The following LRRC37A variants were observed in gnomAD, a reference collection of about 807,000 sequenced individuals.
The protein encoded by LRRC37A is leucine-rich repeat-containing protein 37A.
A neutral mutation model predicts 35.4 loss-of-function variants in LRRC37A; 3 were observed. That is an observed-to-expected ratio of 0.08 (90% CI 0.04 to 0.22). The LOEUF (loss-of-function observed/expected upper bound fraction) is 0.22, where lower values mean the gene tolerates loss of function less well. LRRC37A is among the 10% of genes least tolerant of loss of function. LRRC37A has a pLI of 1.00. For synonymous variants in LRRC37A, 23 were observed against 215.0 expected (o/e 0.11, Z 7.81); for missense variants, 67 against 565.3 (o/e 0.12, Z 8.94).
the LRRC37A span, among the ~76,000 whole-genome samples, chr17:46,272,759 C>T: frequency 0.12 from 18,479 of 152,170 alleles, no homozygotes; most frequent in Non-Finnish European, 0.18. Flanking sequence ...AGACTAAAGC[C>T]CTATAGTTGA....
At position 46,304,584 on chromosome 17, in the gene LRRC37A, C is replaced by T. The variant is rs1180947862; in HGVS notation, c.2754-925C>T. Among the ~76,000 whole-genome samples the T allele has an allele frequency of 5.2e-5, 4 of 76,574 alleles. 1 individual carries two copies. Among genetic ancestry groups the T allele is most frequent in the Admixed American group, 1.4e-4 (1 of 7,208 alleles). 50.2% of individuals were successfully genotyped at this position (76,574 alleles called of 152,430 possible). A position where few individuals can be genotyped will look rare whatever the true frequency, so the allele number is the denominator to read the frequency against. On this transcript the variant is annotated intron_variant, in intron 3 of 13. Coordinates refer to ENST00000320254, the Ensembl canonical transcript of LRRC37A. ...TGGAGATATCAGCCAGACAACGTTA[C>T]ACCATCCAGGTAAAGAGGGAGGGAC...
the LRRC37A span, among the ~76,000 whole-genome samples, chr17:46,262,273 A>G: frequency 1.3e-5 from 2 of 152,240 alleles, no homozygotes; most frequent in Non-Finnish European, 2.9e-5. Flanking sequence ...ACCTCAGGTG[A>G]TCCACCTGCC....
At chr17:46,262,848 G>A in the LRRC37A span, among the ~76,000 whole-genome samples, 16 of 152,118 alleles carry the variant, frequency 1.1e-4, no homozygotes, top group Admixed American at 3.3e-4. Context: ...ATTGGACAGA[G>A]CAAAAAGCAG....
At chr17:46,276,109 G>A in the LRRC37A span, among the ~76,000 whole-genome samples, 6 of 152,070 alleles carry the variant, frequency 3.9e-5, no homozygotes, top group East Asian at 1.9e-4. Flanking sequence ...CAGGCTGGTC[G>A]CAAACTCCTG....
At chr17:46,275,625 A>G in the LRRC37A span, among the ~76,000 whole-genome samples, 2 of 152,250 alleles carry the variant, frequency 1.3e-5, no homozygotes, top group Non-Finnish European at 2.9e-5. Flanking sequence ...AGCTCACTGG[A>G]AAAAGCCAAT....
chr17:46,262,644 G>T, the LRRC37A span, among the ~76,000 whole-genome samples: 2 of 152,094 alleles, frequency 1.3e-5, no homozygotes, highest in African/African-American at 4.8e-5. Context: ...TTGTACTTTT[G>T]TGAGAATTCC....
At chr17:46,259,000 G>T in the LRRC37A span, among the ~76,000 whole-genome samples, 2 of 128,650 alleles carry the variant, frequency 1.6e-5, no homozygotes, top group African/African-American at 5.9e-5. Context: ...TTACAGGCAT[G>T]AGCCACCGCA....
the LRRC37A span, chr17:46,275,485 T>C: frequency 2.9e-6 from 2 of 682,744 alleles, no homozygotes; most frequent in Non-Finnish European, 5.0e-6. Flanking sequence ...TTTATGCGGA[T>C]GCCAAAGTAA....
upstream of LRRC37A, among the ~76,000 whole-genome samples, chr17:46,291,192 T>A (rs977750942): frequency 1.3e-5 from 2 of 152,258 alleles, no homozygotes; most frequent in African/African-American, 4.8e-5. Flanking sequence ...CATATATTTT[T>A]ATAACATCGT....
chr17:46,276,790 C>CTTTTTTTTTTTTT, the LRRC37A span, among the ~76,000 whole-genome samples: 2 of 134,306 alleles, frequency 1.5e-5, no homozygotes, highest in Non-Finnish European at 3.2e-5. Context: ...TTCTTTTTTT[C>CTTTTTTTTTTTTT]TTTTTTTTTT....
At chr17:46,317,196 G>T (rs3096456) in intron 5 of LRRC37A, among the ~76,000 whole-genome samples, 3,888 of 53,404 alleles carry the variant, frequency 0.073, 155 homozygotes, top group Middle Eastern at 0.37. Context: ...TGCCCAGTTA[G>T]TTTTAAATTT....
chr17:46,275,098 G>A, the LRRC37A span: 4 of 213,256 alleles, frequency 1.9e-5, no homozygotes, highest in South Asian at 2.5e-4. Flanking sequence ...CTCCATATTG[G>A]TCAGGCTGGT....
chr17:46,251,206 C>T, the LRRC37A span, among the ~76,000 whole-genome samples: 1 of 152,104 alleles, frequency 6.6e-6, no homozygotes, highest in African/African-American at 2.4e-5. Context: ...ATTTTGCTCC[C>T]CAAGTGACAT....
At chr17:46,275,322 T>G in the LRRC37A span, 1 of 830,954 alleles carries the variant, frequency 1.2e-6, no homozygotes, top group Non-Finnish European at 1.8e-6. Context: ...CTCCTTAATT[T>G]AAAATAGTTC....
At chr17:46,278,161 G>T in the LRRC37A span, among the ~76,000 whole-genome samples, 9 of 152,260 alleles carry the variant, frequency 5.9e-5, no homozygotes, top group East Asian at 1.6e-3. Context: ...TGGCCAGCTG[G>T]TCTCGAACTC....
At chr17:46,291,125 G>A (rs534787052), upstream of LRRC37A, among the ~76,000 whole-genome samples, 92 of 152,330 alleles carry the variant, frequency 6.0e-4, no homozygotes, top group African/African-American at 2.1e-3. Flanking sequence ...TATTTATAGA[G>A]AGAGACTGAA....
At chr17:46,265,772 C>T in the LRRC37A span, among the ~76,000 whole-genome samples, 2 of 152,210 alleles carry the variant, frequency 1.3e-5, no homozygotes, top group African/African-American at 4.8e-5. Context: ...GCCACCATGC[C>T]CGGCCTCAAC....
chr17:46,255,063 C>T, the LRRC37A span, among the ~76,000 whole-genome samples: 22,055 of 151,594 alleles, frequency 0.15, 2,143 homozygotes, highest in Non-Finnish European at 0.22. Context: ...CTCAAACTCC[C>T]GACTTCAGGT....
At chr17:46,255,979 C>T in the LRRC37A span, among the ~76,000 whole-genome samples, 3 of 152,136 alleles carry the variant, frequency 2.0e-5, no homozygotes, top group Non-Finnish European at 4.4e-5. Flanking sequence ...CCGGCCTCGG[C>T]CCCCAAATTC....
Sources: gnomAD v4.1 joint callset for allele counts (sites outside exome capture counted in the v4.1 genomes callset) on GRCh38, gnomAD v4.1.1 for gene constraint, MANE v1.5 for transcripts, NCBI Gene and HGNC (gene_info 2026-07-23, HGNC 2026-07-21) for gene names.